ADHFE1: variants seen among roughly 807,000 people sequenced by gnomAD.
The protein encoded by ADHFE1 is alcohol dehydrogenase iron containing 1.
ADHFE1 carries 37 observed loss-of-function variants against 54.8 expected under a neutral mutation model. The observed-to-expected ratio is 0.68, with a 90% CI of 0.52 to 0.89. The LOEUF (loss-of-function observed/expected upper bound fraction) is 0.89, where lower values mean the gene tolerates loss of function less well. Among genes scored for constraint, ADHFE1 ranks in the 40% least tolerant of loss-of-function variants. The pLI is 0.00. For synonymous variants in ADHFE1, 203 were observed against 229.3 expected (o/e 0.89, Z 1.04); for missense variants, 601 against 591.2 (o/e 1.02, Z -0.17).
intron 2 of ADHFE1, 132 bp downstream of exon 2, chr8:66,440,331 A>C: frequency 1.2e-6 from 1 of 802,208 alleles, no homozygotes; most frequent in Non-Finnish European, 2.1e-6. Context: ...TTACCATTTC[A>C]CTGTGAAATT....
chr8:66,444,775 C>A (rs779811871), intron 5 of ADHFE1, 27 bp downstream of exon 5: 2 of 1,612,808 alleles, frequency 1.2e-6, no homozygotes, highest in Non-Finnish European at 1.7e-6. Context: ...GTTATTGTTT[C>A]TTTACTTTAA....
intron 1 of ADHFE1, 105 bp downstream of exon 1, chr8:66,432,680 G>C: frequency 2.4e-6 from 3 of 1,235,524 alleles, no homozygotes; most frequent in Non-Finnish European, 3.0e-6. Context: ...TTACTTTCAA[G>C]AATTCGGAGA....
At chr8:66,440,090 C>CT in intron 1 of ADHFE1, 72 bp from the exon 2 acceptor site, 1 of 1,467,436 alleles carries the variant, frequency 6.8e-7, no homozygotes, top group South Asian at 1.2e-5. Context: ...TGTGAGTTAG[C>CT]TTAAGGCTTT....
intron 12 of ADHFE1, among the ~76,000 whole-genome samples, chr8:66,458,386 C>T (rs886784213): frequency 6.6e-6 from 1 of 152,124 alleles, no homozygotes; most frequent in African/African-American, 2.4e-5. Flanking sequence ...CAGAGAGGGG[C>T]CAGGGGCTCC....
At chr8:66,452,402 C>G (rs1404667706) in intron 9 of ADHFE1, among the ~76,000 whole-genome samples, 1 of 152,218 alleles carries the variant, frequency 6.6e-6, no homozygotes, top group African/African-American at 2.4e-5. Context: ...GAAATGAGAC[C>G]CACACTGGCA....
intron 12 of ADHFE1, among the ~76,000 whole-genome samples, chr8:66,458,948 G>A (rs187109817): frequency 1.3e-5 from 2 of 152,182 alleles, no homozygotes; most frequent in Admixed American, 1.3e-4. Context: ...TTTAGCTGCC[G>A]CTGGGTAATA....
chr8:66,465,131 G>A (rs776957302), intron 13 of ADHFE1, among the ~76,000 whole-genome samples: 2 of 152,152 alleles, frequency 1.3e-5, no homozygotes, highest in Non-Finnish European at 2.9e-5. Context: ...ATAGACACTT[G>A]GGTTGTTTCC....
At chr8:66,455,320 T>C (rs1322299935) in intron 10 of ADHFE1, among the ~76,000 whole-genome samples, 2 of 152,170 alleles carry the variant, frequency 1.3e-5, no homozygotes, top group Non-Finnish European at 2.9e-5. Flanking sequence ...AAATGTAGGA[T>C]TTTTCCCCCA....
At chr8:66,466,869 A>T (rs1231706240) in intron 13 of ADHFE1, among the ~76,000 whole-genome samples, 1 of 152,172 alleles carries the variant, frequency 6.6e-6, no homozygotes, top group African/African-American at 2.4e-5. Flanking sequence ...ATATTCAAGG[A>T]ACTTAAAAGG....
At chr8:66,456,759 T>C in intron 10 of ADHFE1, 58 bp from the exon 11 acceptor site, 1 of 1,319,440 alleles carries the variant, frequency 7.6e-7, no homozygotes, top group South Asian at 1.2e-5. Flanking sequence ...TATCTTTCTA[T>C]TGTTGACTTG....
At chr8:66,461,088 A>C (rs1351310217) in intron 13 of ADHFE1, among the ~76,000 whole-genome samples, 1 of 152,224 alleles carries the variant, frequency 6.6e-6, no homozygotes, top group East Asian at 1.9e-4. Flanking sequence ...TGAGGTTCTC[A>C]TGAAGAACTC....
chr8:66,432,872 G>A, intron 1 of ADHFE1: 2 of 1,207,376 alleles, frequency 1.7e-6, no homozygotes, highest in Non-Finnish European at 2.1e-6. Flanking sequence ...AGCTTGGCAC[G>A]GTGGCCAAGA....
chr8:66,451,420 G>A (rs1180356572), intron 8 of ADHFE1, among the ~76,000 whole-genome samples: 1 of 152,108 alleles, frequency 6.6e-6, no homozygotes, highest in Non-Finnish European at 1.5e-5. Flanking sequence ...TAGAGTCAGG[G>A]TAGTGCCTCA....
Position 66,432,686 on chromosome 8 carries a change from G to A in ADHFE1, c.59+111G>A, listed in dbSNP as rs1241404162. The A allele has an allele frequency of 1.7e-5, 21 of 1,235,336 alleles. No homozygotes were observed. The East Asian group carries it at 3.8e-4, about 22-fold the overall frequency. The allele number at this position is 1,235,336 out of a possible 1,614,324, so 76.5% of individuals were successfully genotyped here. ...CTTCTCCGCTTACTTTCAAGAATTC[G>A]GAGAATTTGGATACCGCCCTGGGCT... On this transcript the variant is annotated intron_variant, in intron 1 of 13. Coordinates refer to ENST00000396623, the MANE Select transcript of ADHFE1 (RefSeq NM_144650.3).
intron 13 of ADHFE1, among the ~76,000 whole-genome samples, chr8:66,467,129 G>A (rs1807233221): frequency 6.6e-6 from 1 of 152,192 alleles, no homozygotes; most frequent in Non-Finnish European, 1.5e-5. Context: ...AGCTGGACAG[G>A]CGAGTGATAG....
rs1807312064 is a variant in ADHFE1 at position 66,468,475 on chromosome 8, T to C, written c.*123T>C. Reference sequence around the variant, plus strand: ...TTACCTGTTACCAGTATAGGTGGGATATACATTTATCTTGCAGGAAATTCC... The same window carrying C: ...TTACCTGTTACCAGTATAGGTGGGACATACATTTATCTTGCAGGAAATTCC... On this transcript the variant is annotated 3_prime_UTR_variant, in exon 14 of 14. Transcript: ENST00000396623. 5 of 674,700 alleles carry C rather than the reference T, an allele frequency of 7.4e-6. No homozygotes were observed. In the South Asian group the frequency reaches 1.1e-4, roughly 15 times the overall value. 41.8% of individuals were successfully genotyped at this position (674,700 alleles called of 1,614,324 possible). A position where few individuals can be genotyped will look rare whatever the true frequency, so the allele number is the denominator to read the frequency against.
rs527662670 is a variant in ADHFE1, at chr8:66,439,126, C to T, written c.60-1036C>T. On this transcript the variant is annotated intron_variant, in intron 1 of 13. Transcript: ENST00000396623. This position sits in a 1 kb window ranked among gnomAD's most constrained non-coding sequence, Gnocchi z 4.4. Reference sequence around the variant, plus strand: ...GCGACTCGCGCCAGCTCTCACTCGCCCCCGCGTCTGCTTTGACTTCGCAGT... The same window carrying T: ...GCGACTCGCGCCAGCTCTCACTCGCTCCCGCGTCTGCTTTGACTTCGCAGT... The T allele has an allele frequency of 5.7e-5, 53 of 937,060 alleles. No individual in the cohort carries two copies. The East Asian group carries it at 5.5e-3, about 98-fold the overall frequency. The allele number at this position is 937,060 out of a possible 1,614,324, so 58.0% of individuals were successfully genotyped here.
At chr8:66,456,256 A>T (rs1025604417) in intron 10 of ADHFE1, among the ~76,000 whole-genome samples, 12 of 152,228 alleles carry the variant, frequency 7.9e-5, no homozygotes, top group African/African-American at 2.9e-4. Flanking sequence ...TCAAACCAGA[A>T]CTGATTAACA....
intron 1 of ADHFE1, among the ~76,000 whole-genome samples, chr8:66,437,814 G>A (rs1805544546): frequency 1.3e-5 from 2 of 152,136 alleles, no homozygotes; most frequent in South Asian, 2.1e-4. Flanking sequence ...GTTTTAACAC[G>A]GAGGGAGGCT....
Sources: gnomAD v4.1 joint callset for allele counts (sites outside exome capture counted in the v4.1 genomes callset) on GRCh38, gnomAD v4.1.1 for gene constraint, Gnocchi (gnomAD v3.1) non-coding constraint, MANE v1.5 for transcripts, NCBI Gene and HGNC (gene_info 2026-07-23, HGNC 2026-07-21) for gene names.